Variants in SNX24 observed in about 807,000 individuals in gnomAD.
SNX24 encodes the protein sorting nexin 24.
SNX24 carries 22 observed loss-of-function variants against 28.7 expected under a neutral mutation model. The observed-to-expected ratio is 0.77, with a 90% CI of 0.55 to 1.10. The LOEUF (loss-of-function observed/expected upper bound fraction) is 1.10. SNX24 is among the 50% of genes least tolerant of loss of function. SNX24 has a pLI of 0.00. For missense variants in SNX24, 221 were observed against 201.1 expected, an observed-to-expected ratio of 1.10 and a Z score of -0.60; for synonymous variants, 69 against 71.5, an observed-to-expected ratio of 0.96 and a Z score of 0.18.
chr5:122,860,325 A>G (rs960342623), intron 1 of SNX24, among the ~76,000 whole-genome samples: 2 of 151,654 alleles, frequency 1.3e-5, no homozygotes, highest in Admixed American at 6.6e-5. Flanking sequence ...GGCAAGATAA[A>G]AAAAAATCAG....
At chr5:122,863,284 A>G (rs1186190018) in intron 1 of SNX24, among the ~76,000 whole-genome samples, 12 of 152,132 alleles carry the variant, frequency 7.9e-5, no homozygotes, top group Non-Finnish European at 1.3e-4. Context: ...GAGGTTATCC[A>G]AGGGAAATGT....
At chr5:122,935,833 G>A (rs1759157877) in intron 1 of SNX24, among the ~76,000 whole-genome samples, 1 of 152,072 alleles carries the variant, frequency 6.6e-6, no homozygotes, top group Non-Finnish European at 1.5e-5. Context: ...AAGGGCGATT[G>A]AAATAGAAAA....
chr5:122,909,498 G>T (rs772909367), intron 1 of SNX24, among the ~76,000 whole-genome samples: 1 of 152,130 alleles, frequency 6.6e-6, no homozygotes, highest in Non-Finnish European at 1.5e-5. Flanking sequence ...ATAAGTCCAG[G>T]GTCTGAGTAT....
intron 1 of SNX24, among the ~76,000 whole-genome samples, chr5:122,877,129 A>C (rs1756260919): frequency 6.6e-6 from 1 of 152,102 alleles, no homozygotes; most frequent in Non-Finnish European, 1.5e-5. Context: ...AGGAGGGCAC[A>C]TTCTGGTAGG....
At chr5:122,868,926 G>T (rs1043286737) in intron 1 of SNX24, among the ~76,000 whole-genome samples, 2 of 152,158 alleles carry the variant, frequency 1.3e-5, no homozygotes, top group Admixed American at 1.3e-4. Flanking sequence ...AAAGTGAAAC[G>T]TACTCTTCCT....
intron 5 of SNX24, chr5:123,023,984 T>G: frequency 6.2e-7 from 1 of 1,613,536 alleles, no homozygotes; most frequent in East Asian, 2.2e-5. Context: ...TGCTTGGAGC[T>G]CTATGGAGTG....
At chr5:122,899,904 AAGGACTTT>A (rs1757359138) in intron 1 of SNX24, among the ~76,000 whole-genome samples, 2 of 152,238 alleles carry the variant, frequency 1.3e-5, no homozygotes, top group South Asian at 4.1e-4. Context: ...TGGAAAACCC[AAGGACTTT>A]AGTAGAACCC....
intron 5 of SNX24, among the ~76,000 whole-genome samples, chr5:123,028,262 T>TA (rs754433298): frequency 2.0e-5 from 3 of 152,198 alleles, no homozygotes; most frequent in African/African-American, 7.2e-5. Context: ...GGTTAAATCT[T>TA]AAAAGTTCTC....
intron 5 of SNX24, among the ~76,000 whole-genome samples, chr5:123,017,018 T>C (rs1202821365): frequency 2.0e-5 from 3 of 152,134 alleles, no homozygotes; most frequent in African/African-American, 7.2e-5. Context: ...GACAGATTTT[T>C]GCAGAACCAT....
intron 1 of SNX24, chr5:122,853,700 C>G (rs1026697255): frequency 4.8e-6 from 2 of 412,638 alleles, no homozygotes; most frequent in East Asian, 1.5e-4. Context: ...GTTGCCCAGG[C>G]AGGCCCTGAA....
At chr5:122,991,186 C>T (rs1232147781) in intron 3 of SNX24, among the ~76,000 whole-genome samples, 4 of 151,936 alleles carry the variant, frequency 2.6e-5, no homozygotes, top group East Asian at 1.9e-4. Flanking sequence ...TGTGAGCCAC[C>T]GTGCCCAGCC....
chr5:122,981,398 G>A (rs934807746), intron 3 of SNX24, among the ~76,000 whole-genome samples: 7 of 152,178 alleles, frequency 4.6e-5, no homozygotes, highest in Admixed American at 3.9e-4. Flanking sequence ...CAATAGGAGA[G>A]TGAGAAGATG....
At chr5:122,851,529 A>G (rs1754919271) in intron 1 of SNX24, among the ~76,000 whole-genome samples, 1 of 152,212 alleles carries the variant, frequency 6.6e-6, no homozygotes, top group Admixed American at 6.5e-5. Context: ...GTCCATTTTA[A>G]GTACCTGCGT....
At chr5:122,991,772 G>C (rs1039284297) in intron 3 of SNX24, among the ~76,000 whole-genome samples, 4 of 152,058 alleles carry the variant, frequency 2.6e-5, no homozygotes, top group African/African-American at 9.7e-5. Flanking sequence ...TTTTGTTGTT[G>C]TTGTTGTTGT....
At chr5:122,907,674 C>T (rs181119746) in intron 1 of SNX24, among the ~76,000 whole-genome samples, 7 of 152,078 alleles carry the variant, frequency 4.6e-5, no homozygotes, top group Non-Finnish European at 7.4e-5. Flanking sequence ...CTGAAGGGAA[C>T]AATTTGTATG....
At chr5:122,868,935 C>A (rs566033355) in intron 1 of SNX24, among the ~76,000 whole-genome samples, 1 of 152,294 alleles carries the variant, frequency 6.6e-6, no homozygotes, top group South Asian at 2.1e-4. Context: ...CGTACTCTTC[C>A]TTCATAAACA....
chr5:122,890,641 T>A (rs945370371), intron 1 of SNX24, among the ~76,000 whole-genome samples: 1 of 152,008 alleles, frequency 6.6e-6, no homozygotes, highest in Non-Finnish European at 1.5e-5. Context: ...GTCTAATTTT[T>A]TGTATTTTTA....
At chr5:122,878,074 C>T (rs1756311381) in intron 1 of SNX24, among the ~76,000 whole-genome samples, 1 of 152,054 alleles carries the variant, frequency 6.6e-6, no homozygotes. Context: ...TGGGAGGGTC[C>T]AGTACAGCTG....
chr5:123,028,230 G>A (rs1482992911), intron 5 of SNX24, among the ~76,000 whole-genome samples: 1 of 152,162 alleles, frequency 6.6e-6, no homozygotes, highest in Non-Finnish European at 1.5e-5. Flanking sequence ...ACATAGCCAG[G>A]AGTGTGAGTC....
Sources: allele counts gnomAD v4.1 joint callset (sites outside exome capture counted in the v4.1 genomes callset), GRCh38; gene constraint gnomAD v4.1.1; transcripts MANE v1.5; gene names NCBI Gene and HGNC (gene_info 2026-07-23, HGNC 2026-07-21).